The following PTPRE variants were observed in gnomAD, a reference collection of about 807,000 sequenced individuals.
The protein encoded by PTPRE is receptor-type tyrosine-protein phosphatase epsilon.
PTPRE carries 51 observed loss-of-function variants against 102.0 expected under a neutral mutation model. The observed-to-expected ratio is 0.50, with a 90% CI of 0.40 to 0.63. The LOEUF is 0.63. PTPRE is among the 30% of genes least tolerant of loss of function. PTPRE has a pLI of 0.00. For missense variants in PTPRE, 752 were observed against 915.1 expected, an observed-to-expected ratio of 0.82 and a Z score of 2.30; for synonymous variants, 345 against 348.2, an observed-to-expected ratio of 0.99 and a Z score of 0.10.
intron 6 of PTPRE, among the ~76,000 whole-genome samples, chr10:128,051,542 C>G (rs1848569859): frequency 6.6e-6 from 1 of 152,366 alleles, no homozygotes; most frequent in African/African-American, 2.4e-5. Flanking sequence ...AGCTACTCAT[C>G]CTGCCATTAG....
chr10:128,084,017 T>C lies in PTPRE; in HGVS notation c.*1111T>C, dbSNP rs561060013. The C allele has an allele frequency of 7.2e-6, 1 of 139,050 alleles. No homozygotes were observed. Among genetic ancestry groups the C allele is most frequent in the East Asian group, 2.2e-4 (1 of 4,580 alleles). The allele number at this position is 139,050 out of a possible 1,614,324, so 8.6% of individuals were successfully genotyped here. A position where few individuals can be genotyped will look rare whatever the true frequency, so the allele number is the denominator to read the frequency against. On this transcript the variant is annotated 3_prime_UTR_variant, in exon 21 of 21. Coordinates refer to ENST00000254667, the MANE Select transcript of PTPRE (RefSeq NM_006504.6). ...TTTTAAAGTCCCACCTTTCAATGTTTAATAAAACAAAAAGAGAAATCCTTA... is the reference window on the plus strand; with the variant it reads ...TTTTAAAGTCCCACCTTTCAATGTTCAATAAAACAAAAAGAGAAATCCTTA...
At chr10:128,049,919 G>A (rs527342096) in intron 6 of PTPRE, among the ~76,000 whole-genome samples, 101 of 152,156 alleles carry the variant, frequency 6.6e-4, no homozygotes, top group Non-Finnish European at 1.2e-3. Context: ...CACTCTGAGT[G>A]TCAAGTTCTA....
chr10:128,069,521 T>G (rs1207038482), intron 12 of PTPRE, 171 bp from the exon 13 acceptor site: 9 of 839,434 alleles, frequency 1.1e-5, no homozygotes, highest in Non-Finnish European at 1.5e-5. Flanking sequence ...CTGAGATCAC[T>G]TTACTGAGAC....
chr10:127,945,652 G>C (rs1848571351), intron 1 of PTPRE, among the ~76,000 whole-genome samples: 1 of 152,300 alleles, frequency 6.6e-6, no homozygotes, highest in East Asian at 1.9e-4. Context: ...GCCTGTGAGT[G>C]TGAGATGTTT....
chr10:127,986,657 T>G (rs546413654), intron 2 of PTPRE, among the ~76,000 whole-genome samples: 2 of 152,344 alleles, frequency 1.3e-5, no homozygotes, highest in Non-Finnish European at 2.9e-5. Flanking sequence ...TTTTCTCTTC[T>G]GACTCATTTG....
intron 2 of PTPRE, among the ~76,000 whole-genome samples, chr10:127,995,880 C>T (rs1005682918): frequency 6.6e-6 from 1 of 151,856 alleles, no homozygotes; most frequent in African/African-American, 2.4e-5. Context: ...TGGAGACCAC[C>T]TTGAACTAAA....
intron 2 of PTPRE, among the ~76,000 whole-genome samples, chr10:128,029,824 C>T (rs1339733024): frequency 6.6e-6 from 1 of 152,224 alleles, no homozygotes; most frequent in Non-Finnish European, 1.5e-5. Context: ...TTAGGGGCCG[C>T]CAGCTTCCTC....
chr10:128,013,504 G>A (rs891053400), intron 2 of PTPRE, among the ~76,000 whole-genome samples: 3 of 152,152 alleles, frequency 2.0e-5, no homozygotes, highest in East Asian at 1.9e-4. Context: ...TCCTTTAAAC[G>A]GTCACATGGT....
Position 128,069,699 on chromosome 10 carries a change from G to T in PTPRE, c.1015G>T (p.Val339Leu), listed in dbSNP as rs374923805. Reference protein sequence around the residue: ...GPIVVHCSAGVGRTGTFIVID... With the variant: ...GPIVVHCSAGLGRTGTFIVID... ...CTTTCTCTTTCCCCAAAGCGCGGGC[G>T]TGGGCCGGACGGGCACCTTCATTGT... The change falls in exon 13 of 21, where the codon GTG becomes TTG. Residue 339 changes from valine to leucine, a missense_variant. Val to Leu is a conservative substitution (Grantham distance 32, BLOSUM62 1). Transcript: ENST00000254667. 3 of 1,614,200 alleles carry T rather than the reference G, an allele frequency of 1.9e-6. No homozygotes were observed. Among genetic ancestry groups the T allele is most frequent in the Non-Finnish European group, 1.7e-6 (2 of 1,180,028 alleles).
intron 1 of PTPRE, among the ~76,000 whole-genome samples, chr10:127,914,140 C>A (rs1294775712): frequency 6.6e-6 from 1 of 152,116 alleles, no homozygotes; most frequent in Admixed American, 6.5e-5. Context: ...CACCCCCCAC[C>A]CACTCTCTCT....
intron 1 of PTPRE, among the ~76,000 whole-genome samples, chr10:127,968,067 A>C (rs761336502): frequency 6.6e-6 from 1 of 150,416 alleles, no homozygotes; most frequent in Admixed American, 6.6e-5. Flanking sequence ...TAGGTCACAC[A>C]GTTGTCTTAG....
intron 1 of PTPRE, among the ~76,000 whole-genome samples, chr10:127,978,242 A>C (rs897914489): frequency 5.9e-5 from 9 of 152,178 alleles, no homozygotes; most frequent in Non-Finnish European, 1.2e-4. Flanking sequence ...AAAACAAAAA[A>C]AAACAAGCAG....
At chr10:127,931,042 C>T (rs994395968) in intron 1 of PTPRE, among the ~76,000 whole-genome samples, 17 of 152,232 alleles carry the variant, frequency 1.1e-4, no homozygotes, top group East Asian at 3.9e-4. Flanking sequence ...CCACCCGCCT[C>T]GGCCTTCCAA....
At chr10:128,076,439 G>T (rs889356536) in intron 17 of PTPRE, among the ~76,000 whole-genome samples, 164 bp from the exon 18 acceptor site, 1 of 151,366 alleles carries the variant, frequency 6.6e-6, no homozygotes, top group African/African-American at 2.4e-5. Flanking sequence ...CTGTTCCCTG[G>T]GTCAACAAGC....
chr10:128,061,757 G>A lies in PTPRE; in HGVS notation c.625+42G>A, dbSNP rs562489298. ...TTTCTCAACGTATTTTTGGTAACGTGAATAGCTCTTATTTCCTTCTCTGTA... is the reference window on the plus strand; with the variant it reads ...TTTCTCAACGTATTTTTGGTAACGTAAATAGCTCTTATTTCCTTCTCTGTA... On this transcript the variant is annotated intron_variant, in intron 9 of 20. Transcript: ENST00000254667. 7 of 1,562,310 alleles carry A rather than the reference G, an allele frequency of 4.5e-6. No homozygotes were observed. In the Admixed American group the frequency reaches 8.6e-5, roughly 19 times the overall value.
chr10:127,996,308 A>G (rs1214135907), intron 2 of PTPRE, among the ~76,000 whole-genome samples: 1 of 152,352 alleles, frequency 6.6e-6, no homozygotes, highest in African/African-American at 2.4e-5. Context: ...AGATCTCGAA[A>G]GCTGGCCCGT....
At chr10:127,951,215 G>A (rs7914166) in intron 1 of PTPRE, among the ~76,000 whole-genome samples, 6 of 152,214 alleles carry the variant, frequency 3.9e-5, no homozygotes, top group African/African-American at 1.2e-4. Context: ...GAGAGTCGTG[G>A]CTCCTCAATG....
chr10:127,908,512 G>A (rs1334156985), intron 1 of PTPRE, among the ~76,000 whole-genome samples: 2 of 152,136 alleles, frequency 1.3e-5, no homozygotes, highest in Non-Finnish European at 2.9e-5. Context: ...AAATGGTGGG[G>A]GCCAGTGGCT....
In PTPRE at chr10:127,928,752, CT is replaced by C. The variant is rs541875622; in HGVS notation, c.-31+21444del. On this transcript the variant is annotated intron_variant, in intron 1 of 20. Transcript: ENST00000254667. The stretch of plus-strand genomic sequence containing the variant: ...TCCAAATAACATCTTGGAAAGCACA[CT>C]GGTAGATGAGGCCTCATTGATGAAT... Among the ~76,000 whole-genome samples, 5 of 152,322 alleles carry C rather than the reference CT, an allele frequency of 3.3e-5. No homozygotes were observed. The South Asian group carries it at 8.3e-4, about 25-fold the overall frequency.
Sources: allele counts gnomAD v4.1 joint callset (sites outside exome capture counted in the v4.1 genomes callset), GRCh38; gene constraint gnomAD v4.1.1; transcripts MANE v1.5; gene names NCBI Gene and HGNC (gene_info 2026-07-23, HGNC 2026-07-21).